Variants in B3GALT1 observed in about 807,000 individuals in gnomAD.
B3GALT1 encodes UDP-Gal:betaGlcNAc beta 1,3-galactosyltransferase, polypeptide 1.
A neutral mutation model predicts 23.2 loss-of-function variants in B3GALT1; 10 were observed. The observed-to-expected ratio is 0.43, with a 90% CI of 0.27 to 0.73. The LOEUF (loss-of-function observed/expected upper bound fraction) is 0.73. Among genes scored for constraint, B3GALT1 ranks in the 30% least tolerant of loss-of-function variants. B3GALT1 has a pLI of 0.21. For missense variants in B3GALT1, 299 were observed against 405.4 expected (o/e 0.74, Z 2.25); for synonymous variants, 156 against 141.5 (o/e 1.10, Z -0.73).
chr2:167,652,991 A>T (rs1335186325), intron 3 of B3GALT1, among the ~76,000 whole-genome samples: 1 of 152,170 alleles, frequency 6.6e-6, no homozygotes, highest in Admixed American at 6.5e-5. Context: ...GTAGAAAAAG[A>T]AAAACCACCT....
chr2:167,649,186 A>G (rs1685811771), intron 3 of B3GALT1, among the ~76,000 whole-genome samples: 1 of 151,994 alleles, frequency 6.6e-6, no homozygotes, highest in African/African-American at 2.4e-5. Context: ...TTACTTTTTA[A>G]TATTAGTCAA....
chr2:167,320,012 C>T (rs1238946988), intron 1 of B3GALT1, among the ~76,000 whole-genome samples: 1 of 152,016 alleles, frequency 6.6e-6, no homozygotes, highest in Admixed American at 6.6e-5. Context: ...TGATTTGGAC[C>T]CAGATCAGTG....
chr2:167,694,199 G>A (rs1686757080), intron 3 of B3GALT1, among the ~76,000 whole-genome samples: 1 of 152,064 alleles, frequency 6.6e-6, no homozygotes, highest in Non-Finnish European at 1.5e-5. Context: ...AAATTCTGTA[G>A]GGATATAAAC....
intron 2 of B3GALT1, among the ~76,000 whole-genome samples, chr2:167,521,718 T>C: frequency 6.6e-6 from 1 of 151,966 alleles, no homozygotes; most frequent in Non-Finnish European, 1.5e-5. Context: ...ACTCAGTTCT[T>C]TACAGTCTCA....
At chr2:167,600,041 A>G (rs1684847560) in intron 2 of B3GALT1, among the ~76,000 whole-genome samples, 1 of 152,202 alleles carries the variant, frequency 6.6e-6, no homozygotes, top group African/African-American at 2.4e-5. Flanking sequence ...ATACATTACC[A>G]ATCTACTTTT....
chr2:167,668,938 T>C (rs1023537083), intron 3 of B3GALT1, among the ~76,000 whole-genome samples: 1 of 152,218 alleles, frequency 6.6e-6, no homozygotes, highest in Non-Finnish European at 1.5e-5. Context: ...AGCTATAGAC[T>C]GGAGCTGTTC....
chr2:167,414,677 C>T (rs1228430626), intron 1 of B3GALT1, among the ~76,000 whole-genome samples: 1 of 152,180 alleles, frequency 6.6e-6, no homozygotes, highest in Non-Finnish European at 1.5e-5. Flanking sequence ...TGAATGCATA[C>T]TCAATCTTAT....
chr2:167,736,219 C>T (rs1442915365), intron 3 of B3GALT1, among the ~76,000 whole-genome samples: 2 of 152,132 alleles, frequency 1.3e-5, no homozygotes, highest in Non-Finnish European at 2.9e-5. Flanking sequence ...GGAAATCCAA[C>T]ATCAAAATTA....
At chr2:167,299,334 G>A (rs1206653264) in intron 1 of B3GALT1, among the ~76,000 whole-genome samples, 1 of 152,164 alleles carries the variant, frequency 6.6e-6, no homozygotes, top group Non-Finnish European at 1.5e-5. Context: ...TATACTAAAT[G>A]TTCACAAATG....
At chr2:167,295,496 A>G (rs1696334623) in intron 1 of B3GALT1, among the ~76,000 whole-genome samples, 1 of 152,104 alleles carries the variant, frequency 6.6e-6, no homozygotes, top group Non-Finnish European at 1.5e-5. Flanking sequence ...TGTTTTCCTC[A>G]TAGGTTAATA....
intron 3 of B3GALT1, among the ~76,000 whole-genome samples, chr2:167,804,543 G>A (rs1173920354): frequency 6.6e-6 from 1 of 151,634 alleles, no homozygotes; most frequent in Non-Finnish European, 1.5e-5. Context: ...TGTTCTCATT[G>A]TTCAATTCCC....
At chr2:167,716,284 C>A (rs1687146983) in intron 3 of B3GALT1, among the ~76,000 whole-genome samples, 3 of 152,106 alleles carry the variant, frequency 2.0e-5, no homozygotes, top group African/African-American at 4.8e-5. Context: ...CCCCCTGTTA[C>A]ACTTTACATC....
intron 4 of B3GALT1, among the ~76,000 whole-genome samples, chr2:167,846,415 A>G (rs1383089291): frequency 6.6e-6 from 1 of 152,202 alleles, no homozygotes. Flanking sequence ...CAGAAACCCT[A>G]CAAGCTAGAA....
At chr2:167,600,270 T>C (rs1684851632) in intron 2 of B3GALT1, among the ~76,000 whole-genome samples, 1 of 152,188 alleles carries the variant, frequency 6.6e-6, no homozygotes, top group African/African-American at 2.4e-5. Flanking sequence ...AAGGCCACCA[T>C]GTTATTGAGA....
chr2:167,811,931 T>G (rs1688897740), intron 3 of B3GALT1, among the ~76,000 whole-genome samples: 1 of 152,248 alleles, frequency 6.6e-6, no homozygotes, highest in Admixed American at 6.5e-5. Context: ...GGCATAATCA[T>G]TAAGCTCTTG....
chr2:167,424,989 C>T (rs540906787), intron 1 of B3GALT1, among the ~76,000 whole-genome samples: 3 of 152,332 alleles, frequency 2.0e-5, no homozygotes, highest in African/African-American at 7.2e-5. Context: ...TCCCCAGCTG[C>T]TCCTTCTGGT....
chr2:167,831,612 GA>G (rs1689355329), intron 4 of B3GALT1, among the ~76,000 whole-genome samples: 1 of 152,128 alleles, frequency 6.6e-6, no homozygotes, highest in Non-Finnish European at 1.5e-5. Context: ...AAGGAGATAT[GA>G]ATAGAGGGAA....
At chr2:167,640,909 A>C (rs537413493) in intron 2 of B3GALT1, among the ~76,000 whole-genome samples, 90 of 152,272 alleles carry the variant, frequency 5.9e-4, no homozygotes, top group African/African-American at 2.2e-3. Context: ...TGTTGACTTA[A>C]CATTTCATAA....
rs1440251363 is a variant in B3GALT1, at chr2:167,663,676, C to G, written c.-352+16710C>G. 2.0e-5 allele frequency among the ~76,000 whole-genome samples: 3 copies of G among 150,860 alleles called. No individual in the cohort carries two copies. In the East Asian group the frequency reaches 5.9e-4, roughly 30 times the overall value. ...TTCTAACTGTTGTGAGATGGTATCT[C>G]ATTGTGGTTTTGATTTGCATTTCTC... On this transcript the variant is annotated intron_variant, in intron 3 of 4. Coordinates refer to ENST00000392690, the MANE Select transcript of B3GALT1 (RefSeq NM_020981.4).
Sources: gnomAD v4.1 joint callset for allele counts (sites outside exome capture counted in the v4.1 genomes callset) on GRCh38, gnomAD v4.1.1 for gene constraint, MANE v1.5 for transcripts, NCBI Gene and HGNC (gene_info 2026-07-23, HGNC 2026-07-21) for gene names.